Variants in BMPR1B observed in about 807,000 individuals in gnomAD.
BMPR1B encodes the protein bone morphogenetic protein receptor type-1B.
A neutral mutation model predicts 59.1 loss-of-function variants in BMPR1B; 12 were observed. That is an observed-to-expected ratio of 0.20 (90% CI 0.13 to 0.33). The LOEUF (loss-of-function observed/expected upper bound fraction) is 0.33. Ranked by LOEUF, BMPR1B falls within the 10% of genes least tolerant of loss-of-function variation. The pLI is 1.00. For missense variants in BMPR1B, 550 were observed against 610.9 expected (o/e 0.90, Z 1.05); for synonymous variants, 237 against 207.3 (o/e 1.14, Z -1.23).
At chr4:94,978,944 A>C (rs933508285) in intron 2 of BMPR1B, among the ~76,000 whole-genome samples, 1 of 118,532 alleles carries the variant, frequency 8.4e-6, no homozygotes, top group African/African-American at 3.3e-5. Context: ...ACCATCACAC[A>C]TACATACACA....
intron 1 of BMPR1B, among the ~76,000 whole-genome samples, chr4:94,851,737 A>G (rs1352458275): frequency 6.6e-6 from 1 of 152,098 alleles, no homozygotes; most frequent in East Asian, 1.9e-4. Flanking sequence ...TATGCAAACA[A>G]AGGAGTCAGT....
At chr4:94,977,206 G>A (rs747854221) in intron 2 of BMPR1B, among the ~76,000 whole-genome samples, 1 of 152,132 alleles carries the variant, frequency 6.6e-6, no homozygotes, top group Non-Finnish European at 1.5e-5. Flanking sequence ...GATGGTTCTG[G>A]TAGTTAGGTT....
At chr4:95,135,605 T>A (rs1277623925) in intron 10 of BMPR1B, among the ~76,000 whole-genome samples, 2 of 152,198 alleles carry the variant, frequency 1.3e-5, no homozygotes. Context: ...TTCCTAGGTA[T>A]TTTATTCTCT....
intron 1 of BMPR1B, among the ~76,000 whole-genome samples, chr4:94,776,736 C>T (rs551996605): frequency 1.3e-5 from 2 of 152,224 alleles, no homozygotes; most frequent in Admixed American, 6.5e-5. Context: ...CATCCAGTTA[C>T]TACATTGCTA....
chr4:94,852,535 A>G (rs1008082341), intron 1 of BMPR1B, among the ~76,000 whole-genome samples: 1 of 152,116 alleles, frequency 6.6e-6, no homozygotes, highest in African/African-American at 2.4e-5. Context: ...ATGGTAACAA[A>G]AGTACATTAT....
chr4:94,836,029 G>A (rs538314116), intron 1 of BMPR1B, among the ~76,000 whole-genome samples: 4 of 148,372 alleles, frequency 2.7e-5, no homozygotes, highest in Non-Finnish European at 6.0e-5. Flanking sequence ...TTGTTCTTGT[G>A]ATAGTTTACT....
intron 3 of BMPR1B, among the ~76,000 whole-genome samples, chr4:95,067,648 T>C (rs983007012): frequency 1.3e-5 from 2 of 152,212 alleles, no homozygotes; most frequent in Non-Finnish European, 2.9e-5. Context: ...ATTTTACCTT[T>C]AAGTCTGAGA....
intron 1 of BMPR1B, among the ~76,000 whole-genome samples, chr4:94,857,142 C>G (rs1725790014): frequency 6.6e-6 from 1 of 151,740 alleles, no homozygotes; most frequent in Non-Finnish European, 1.5e-5. Context: ...GGAGAGAGAA[C>G]TAAAATCCAG....
chr4:95,097,544 T>C (rs1039767903), intron 3 of BMPR1B, among the ~76,000 whole-genome samples: 14 of 152,168 alleles, frequency 9.2e-5, no homozygotes, highest in African/African-American at 3.1e-4. Context: ...TTTCTTTCTT[T>C]CTTTTTTTTG....
chr4:94,810,939 T>C (rs138807717), intron 1 of BMPR1B, among the ~76,000 whole-genome samples: 1 of 152,266 alleles, frequency 6.6e-6, no homozygotes, highest in African/African-American at 2.4e-5. Flanking sequence ...CACAACACAG[T>C]GTTAGATTGG....
rs1426923139 is a variant in BMPR1B, at chr4:94,836,411, C to T, written c.-182-39420C>T. On this transcript the variant is annotated intron_variant, in intron 1 of 12. Transcript: ENST00000515059. ...GTGTTCTATTTCTCCACATCCTCTC[C>T]AGCACCTGTTGTTTCCTGACTTTTT... Among the ~76,000 whole-genome samples, 6 of 138,032 alleles carry T rather than the reference C, an allele frequency of 4.3e-5. 1 individual carries two copies. The highest frequency in any genetic ancestry group is 1.4e-4 in the Admixed American group (2 of 14,190). The allele number at this position is 138,032 out of a possible 152,430, so 90.6% of individuals were successfully genotyped here. A position where few individuals can be genotyped will look rare whatever the true frequency, so the allele number is the denominator to read the frequency against.
At chr4:94,926,146 T>A (rs1728883861) in intron 2 of BMPR1B, among the ~76,000 whole-genome samples, 1 of 145,582 alleles carries the variant, frequency 6.9e-6, no homozygotes. Context: ...CTTTTCTTCC[T>A]TTCTTTGAAA....
chr4:94,961,011 A>G (rs1295643645), intron 2 of BMPR1B, among the ~76,000 whole-genome samples: 1 of 152,206 alleles, frequency 6.6e-6, no homozygotes, highest in Admixed American at 6.5e-5. Flanking sequence ...ATAATGGTAT[A>G]GAAGGAGCTT....
chr4:95,075,502 G>A (rs528301429), intron 3 of BMPR1B, among the ~76,000 whole-genome samples: 1 of 152,116 alleles, frequency 6.6e-6, no homozygotes, highest in Non-Finnish European at 1.5e-5. Context: ...AATAGCCATT[G>A]TGTACTTGAG....
intron 2 of BMPR1B, among the ~76,000 whole-genome samples, chr4:94,977,477 GC>G (rs1731072281): frequency 2.0e-5 from 1 of 49,082 alleles, no homozygotes; most frequent in Admixed American, 4.1e-4. Flanking sequence ...CCAGCAAGAT[GC>G]CTTTTTTTTT....
At chr4:94,791,054 C>G (rs946571935) in intron 1 of BMPR1B, among the ~76,000 whole-genome samples, 1 of 152,120 alleles carries the variant, frequency 6.6e-6, no homozygotes, top group African/African-American at 2.4e-5. Flanking sequence ...GTGGCGTGAT[C>G]TCAGCTCACT....
chr4:94,822,411 A>C (rs1486895146), intron 1 of BMPR1B, among the ~76,000 whole-genome samples: 1 of 152,210 alleles, frequency 6.6e-6, no homozygotes, highest in Non-Finnish European at 1.5e-5. Flanking sequence ...GAGCTTCTCA[A>C]CACATTGGAC....
intron 3 of BMPR1B, among the ~76,000 whole-genome samples, chr4:95,056,511 C>T (rs1166155301): frequency 6.6e-6 from 1 of 152,092 alleles, no homozygotes; most frequent in Non-Finnish European, 1.5e-5. Flanking sequence ...CTAAAGGAAA[C>T]ACAGGCCTCA....
chr4:95,055,423 A>C (rs1726847109), intron 3 of BMPR1B, among the ~76,000 whole-genome samples: 1 of 152,182 alleles, frequency 6.6e-6, no homozygotes, highest in East Asian at 1.9e-4. Flanking sequence ...TTAAGTGAAA[A>C]ATGATCCTTA....
Sources: allele counts gnomAD v4.1 joint callset (sites outside exome capture counted in the v4.1 genomes callset), GRCh38; gene constraint gnomAD v4.1.1; transcripts MANE v1.5; gene names NCBI Gene and HGNC (gene_info 2026-07-23, HGNC 2026-07-21).